MAN2A1: variants seen among roughly 807,000 people sequenced by gnomAD.
MAN2A1 encodes mannosidase alpha class 2A member 1, also known as alpha-mannosidase 2.
A neutral mutation model predicts 142.6 loss-of-function variants in MAN2A1; 76 were observed. The observed-to-expected ratio is 0.53, with a 90% CI of 0.44 to 0.65. The LOEUF (loss-of-function observed/expected upper bound fraction) is 0.65, where lower values mean the gene tolerates loss of function less well. Among genes scored for constraint, MAN2A1 ranks in the 30% least tolerant of loss-of-function variants. The pLI, the probability that MAN2A1 is intolerant of heterozygous loss-of-function variation, is 0.00. For synonymous variants in MAN2A1, 559 were observed against 473.2 expected (o/e 1.18, Z -2.35); for missense variants, 1,311 against 1,365.1 (o/e 0.96, Z 0.62).
At chr5:109,849,500 C>T (rs1755426210) in intron 19 of MAN2A1, among the ~76,000 whole-genome samples, 1 of 152,164 alleles carries the variant, frequency 6.6e-6, no homozygotes, top group Admixed American at 6.5e-5. Flanking sequence ...GCCTGATAGA[C>T]ACTTCTCCCC....
At chr5:109,769,512 A>G (rs1019420910) in intron 6 of MAN2A1, among the ~76,000 whole-genome samples, 4 of 152,180 alleles carry the variant, frequency 2.6e-5, no homozygotes, top group African/African-American at 9.6e-5. Context: ...GGGCTATTTA[A>G]AAGCTCAGGA....
intron 1 of MAN2A1, among the ~76,000 whole-genome samples, chr5:109,710,717 T>C (rs1173186925): frequency 1.3e-5 from 2 of 151,864 alleles, no homozygotes; most frequent in African/African-American, 2.4e-5. Flanking sequence ...TGAGACCAAG[T>C]TTCGCTCTTG....
rs571144973 is a variant in MAN2A1, at chr5:109,692,460, C to T, written c.135+1908C>T. 7.9e-5 allele frequency among the ~76,000 whole-genome samples: 12 copies of T among 152,246 alleles called. 1 individual carries two copies. Among genetic ancestry groups the T allele is most frequent in the Admixed American group, 7.8e-4 (12 of 15,292 alleles). ...CCTCAAGCAGATAGACATTCTAAGA[C>T]CCCTCTGTAAGCTTAACCGTTATGT... is the stretch of plus-strand genomic sequence containing the variant. On this transcript the variant is annotated intron_variant, in intron 1 of 21. Coordinates refer to ENST00000261483, the MANE Select transcript of MAN2A1 (RefSeq NM_002372.4).
chr5:109,790,815 T>C (rs181726588), intron 12 of MAN2A1, among the ~76,000 whole-genome samples: 133 of 152,142 alleles, frequency 8.7e-4, no homozygotes, highest in African/African-American at 3.0e-3. Flanking sequence ...TATGCTGATA[T>C]AAGTGATTTG....
At chr5:109,732,777 A>C (rs1440424772) in intron 4 of MAN2A1, among the ~76,000 whole-genome samples, 1 of 152,100 alleles carries the variant, frequency 6.6e-6, no homozygotes, top group Non-Finnish European at 1.5e-5. Context: ...CTTGTAGTAT[A>C]GTTTGAAGTC....
Position 109,842,387 on chromosome 5 carries a change from C to G in MAN2A1, c.2626C>G (p.Arg876Gly). 1.9e-6 allele frequency: 3 copies of G among 1,588,198 alleles called. No homozygotes were observed. The highest frequency in any genetic ancestry group is 2.6e-6 in the Non-Finnish European group (3 of 1,158,438). Residue 876 changes from arginine to glycine, a missense_variant, in exon 17 of 22, where the codon CGT becomes GGT. Physicochemically the swap from Arg to Gly is moderately radical, Grantham distance 125. Around this residue, in one of 3 missense-constraint regions of MAN2A1, gnomAD observed 890 missense variants for 920.5 expected, o/e 0.97. Transcript: ENST00000261483. Reference sequence around the variant, plus strand: ...TGTGGACATCCGAAAAGTATATAACCGTGAGATTGCAATGAAAATTTCTTC... The same window carrying G: ...TGTGGACATCCGAAAAGTATATAACGGTGAGATTGCAATGAAAATTTCTTC... ...NIVDIRKVYN[R>G]EIAMKISSDI...
At chr5:109,733,869 G>T (rs1752001243) in intron 4 of MAN2A1, among the ~76,000 whole-genome samples, 1 of 152,072 alleles carries the variant, frequency 6.6e-6, no homozygotes, top group African/African-American at 2.4e-5. Context: ...GGATGATGCT[G>T]GCCTCATAAA....
At chr5:109,779,147 C>T (rs1753374153) in intron 8 of MAN2A1, among the ~76,000 whole-genome samples, 1 of 152,064 alleles carries the variant, frequency 6.6e-6, no homozygotes. Flanking sequence ...TACTCTAGCA[C>T]AGGTACTGAG....
At chr5:109,750,298 A>G (rs1281568250) in intron 4 of MAN2A1, among the ~76,000 whole-genome samples, 2 of 152,024 alleles carry the variant, frequency 1.3e-5, no homozygotes, top group Admixed American at 6.6e-5. Flanking sequence ...GTTAATGGCA[A>G]GTGTTTTTGC....
chr5:109,716,950 CT>C (rs1751472554), intron 3 of MAN2A1, among the ~76,000 whole-genome samples: 1 of 152,146 alleles, frequency 6.6e-6, no homozygotes, highest in South Asian at 2.1e-4. Flanking sequence ...TCCCCCACCC[CT>C]GACCCCGCCC....
intron 4 of MAN2A1, among the ~76,000 whole-genome samples, chr5:109,729,947 G>C (rs1397716108): frequency 2.6e-5 from 4 of 152,126 alleles, no homozygotes; most frequent in South Asian, 2.1e-4. Flanking sequence ...AGCCAATATA[G>C]TGCCACTGCA....
intron 12 of MAN2A1, among the ~76,000 whole-genome samples, chr5:109,814,459 CATAG>C (rs977362446): frequency 1.2e-4 from 19 of 152,114 alleles, no homozygotes; most frequent in African/African-American, 4.6e-4. Context: ...TTAAAATGTA[CATAG>C]ATAGGAGTTC....
At chr5:109,695,260 T>C (rs1390738359) in intron 1 of MAN2A1, among the ~76,000 whole-genome samples, 9 of 152,226 alleles carry the variant, frequency 5.9e-5, no homozygotes, top group Admixed American at 3.3e-4. Flanking sequence ...TGTTCCCAGA[T>C]GAACACTGTT....
At chr5:109,838,684 A>G (rs1266760241) in intron 16 of MAN2A1, among the ~76,000 whole-genome samples, 1 of 152,218 alleles carries the variant, frequency 6.6e-6, no homozygotes, top group Non-Finnish European at 1.5e-5. Context: ...TTTTATGACC[A>G]TTACAGGTTT....
In MAN2A1 at chr5:109,797,758, A is replaced by G. The variant is rs937427431; in HGVS notation, c.1943+8231A>G. Among the ~76,000 whole-genome samples, 6 of 152,182 alleles carry G rather than the reference A, an allele frequency of 3.9e-5. No homozygotes were observed. In the East Asian group the frequency reaches 1.2e-3, roughly 29 times the overall value. ...CACCCCGAGTACACCATGGTAACTT[A>G]GTTCAACTAAAAGGAAAAAGGACAT... On this transcript the variant is annotated intron_variant, in intron 12 of 21. Coordinates refer to ENST00000261483, the MANE Select transcript of MAN2A1 (RefSeq NM_002372.4).
intron 7 of MAN2A1, 45 bp from the exon 8 acceptor site, chr5:109,774,743 G>T: frequency 6.8e-7 from 1 of 1,460,758 alleles, no homozygotes; most frequent in South Asian, 1.3e-5. Flanking sequence ...CTTTTTCTTA[G>T]TCAAATTCAT....
chr5:109,723,642 T>C (rs768447934), intron 3 of MAN2A1, among the ~76,000 whole-genome samples: 2 of 152,198 alleles, frequency 1.3e-5, no homozygotes, highest in Non-Finnish European at 2.9e-5. Context: ...AAAACCCTCA[T>C]GTCCTCCCTC....
chr5:109,859,583 A>G (rs1301012253), intron 20 of MAN2A1, among the ~76,000 whole-genome samples: 1 of 152,180 alleles, frequency 6.6e-6, no homozygotes, highest in African/African-American at 2.4e-5. Context: ...AGATCTTGAG[A>G]TACTAAAAAG....
Position 109,867,155 on chromosome 5 carries a change from A to AAT in MAN2A1, c.*158_*159insTA, listed in dbSNP as rs1755906943. 7 of 248,368 alleles carry AAT rather than the reference A, an allele frequency of 2.8e-5. No individual in the cohort carries two copies. Among genetic ancestry groups the AAT allele is most frequent in the East Asian group, 1.9e-4 (3 of 15,854 alleles). 15.4% of individuals were successfully genotyped at this position (248,368 alleles called of 1,614,324 possible). On this transcript the variant is annotated 3_prime_UTR_variant, in exon 22 of 22. Transcript: ENST00000261483. The stretch of plus-strand genomic sequence containing the variant: ...TTCTTTTTTCTTTTACCAGTACAGT[A>AAT]AGAAAAAAAAAAAAAAAAAAAAAGC...
Sources: allele counts gnomAD v4.1 joint callset (sites outside exome capture counted in the v4.1 genomes callset), GRCh38; gene constraint gnomAD v4.1.1; regional missense constraint gnomAD v4.1.1; transcripts MANE v1.5; gene names NCBI Gene and HGNC (gene_info 2026-07-23, HGNC 2026-07-21).